NUP210L: variants seen among roughly 807,000 people sequenced by gnomAD.
NUP210L encodes the protein nuclear pore membrane glycoprotein 210-like.
NUP210L carries 74 observed loss-of-function variants against 208.5 expected under a neutral mutation model. That is an observed-to-expected ratio of 0.35 (90% CI 0.29 to 0.43). NUP210L has a LOEUF of 0.43. Ranked by LOEUF, NUP210L falls within the 20% of genes least tolerant of loss-of-function variation. NUP210L has a pLI of 1.00. For missense variants in NUP210L, 1,843 were observed against 2,289.4 expected, an observed-to-expected ratio of 0.81 and a Z score of 3.98; for synonymous variants, 780 against 816.9, an observed-to-expected ratio of 0.95 and a Z score of 0.77.
chr1:154,115,981 C>T (rs1448165313), intron 12 of NUP210L, among the ~76,000 whole-genome samples: 1 of 151,934 alleles, frequency 6.6e-6, no homozygotes, highest in African/African-American at 2.4e-5. Context: ...TTAGGCCGGG[C>T]GCGGTGACTC....
intron 36 of NUP210L, among the ~76,000 whole-genome samples, chr1:154,001,405 C>G (rs976907059): frequency 6.6e-6 from 1 of 152,120 alleles, no homozygotes; most frequent in African/African-American, 2.4e-5. Context: ...ACCATGTTGG[C>G]CAGGATGGTC....
intron 6 of NUP210L, among the ~76,000 whole-genome samples, chr1:154,136,686 C>T (rs542154203): frequency 1.3e-5 from 2 of 150,726 alleles, no homozygotes; most frequent in South Asian, 2.1e-4. Flanking sequence ...CGTGGGAAGC[C>T]GAGGTGGGTG....
chr1:154,153,688 C>G (rs1294191004), intron 1 of NUP210L, among the ~76,000 whole-genome samples: 13 of 151,272 alleles, frequency 8.6e-5, no homozygotes, highest in Non-Finnish European at 1.9e-4. Context: ...TCAAGTAATC[C>G]TCCTGCCTTG....
chr1:153,993,911 T>TA (rs1649657327), intron 38 of NUP210L, among the ~76,000 whole-genome samples: 1 of 152,078 alleles, frequency 6.6e-6, no homozygotes, highest in Non-Finnish European at 1.5e-5. Context: ...AATTTTTTTT[T>TA]AGACACACAG....
In NUP210L at chr1:154,138,411, A is replaced by G. The variant is rs556251516; in HGVS notation, c.718-173T>C. Among the ~76,000 whole-genome samples, 9 of 152,322 alleles carry G rather than the reference A, an allele frequency of 5.9e-5. No individual in the cohort carries two copies. The South Asian group carries it at 1.4e-3, about 25-fold the overall frequency. ...TAATTTCAGCTAGCCTTAAAAAGTGATTATGAATCTTAATACCTTATTAAC... is the reference window on the plus strand; with the variant it reads ...TAATTTCAGCTAGCCTTAAAAAGTGGTTATGAATCTTAATACCTTATTAAC... On this transcript the variant is annotated intron_variant, in intron 5 of 39. Coordinates refer to ENST00000368559, the Ensembl canonical transcript of NUP210L.
intron 23 of NUP210L, among the ~76,000 whole-genome samples, chr1:154,055,189 TTTTC>T (rs1304222481): frequency 6.9e-5 from 9 of 130,722 alleles, no homozygotes; most frequent in East Asian, 4.6e-4. Flanking sequence ...CTTTCTTTCT[TTTTC>T]TTTCTTTCTT....
chr1:154,069,653 A>G (rs982430396), intron 17 of NUP210L, among the ~76,000 whole-genome samples: 1 of 152,218 alleles, frequency 6.6e-6, no homozygotes, highest in African/African-American at 2.4e-5. Flanking sequence ...CGATTCCTCA[A>G]GGATCTAGAA....
intron 35 of NUP210L, among the ~76,000 whole-genome samples, chr1:154,006,750 C>T (rs1374422106): frequency 1.3e-5 from 2 of 149,050 alleles, no homozygotes; most frequent in Non-Finnish European, 3.0e-5. Context: ...CTGCCTCGGC[C>T]TCCCAAACTG....
At chr1:154,012,121 G>A (rs1414075856) in intron 34 of NUP210L, 123 bp downstream of exon 34, 22 of 935,242 alleles carry the variant, frequency 2.4e-5, no homozygotes, top group Non-Finnish European at 3.5e-5. Flanking sequence ...TGATTTATTT[G>A]TCAAGATGGA....
intron 27 of NUP210L, among the ~76,000 whole-genome samples, chr1:154,040,626 G>A (rs1287610677): frequency 6.7e-6 from 1 of 149,164 alleles, no homozygotes; most frequent in Non-Finnish European, 1.5e-5. Flanking sequence ...TCACTCTGTC[G>A]CCCAGGCTGG....
chr1:154,035,669 G>C (rs1652494461), intron 27 of NUP210L, among the ~76,000 whole-genome samples: 1 of 151,986 alleles, frequency 6.6e-6, no homozygotes, highest in African/African-American at 2.4e-5. Context: ...AAAGTGCTGG[G>C]ATTACAGGTG....
chr1:154,073,470 G>A (rs544915000), intron 16 of NUP210L, among the ~76,000 whole-genome samples: 96 of 152,158 alleles, frequency 6.3e-4, no homozygotes, highest in Non-Finnish European at 6.3e-4. Flanking sequence ...GTTACAGTGA[G>A]CTATGATTGC....
At chr1:154,069,350 G>GA (rs549499195) in intron 17 of NUP210L, among the ~76,000 whole-genome samples, 120 of 152,078 alleles carry the variant, frequency 7.9e-4, no homozygotes, top group African/African-American at 2.3e-3. Flanking sequence ...AAATTTACAA[G>GA]AAAAAAATCA....
exon 36 of NUP210L, chr1:154,001,908 C>T: frequency 4.3e-6 from 7 of 1,614,136 alleles, no homozygotes; most frequent in Non-Finnish European, 5.9e-6. Context: ...CACCCATAGA[C>T]TGAGGTGTCA....
chr1:154,149,366 G>A (rs1212238817), intron 2 of NUP210L, among the ~76,000 whole-genome samples: 1 of 152,128 alleles, frequency 6.6e-6, no homozygotes, highest in African/African-American at 2.4e-5. Flanking sequence ...GATTACAGGC[G>A]TGAGCCACCG....
chr1:154,095,040 A>G, exon 15 of NUP210L: 3 of 1,614,140 alleles, frequency 1.9e-6, no homozygotes, highest in Non-Finnish European at 2.5e-6. Context: ...TCTTCTCCGC[A>G]TTCAATTCCA....
intron 6 of NUP210L, 149 bp downstream of exon 6, chr1:154,137,957 G>A: frequency 8.0e-6 from 4 of 502,426 alleles, no homozygotes; most frequent in South Asian, 5.1e-5. Flanking sequence ...GGCTATTTCT[G>A]TCTAATATTA....
At chr1:154,149,021 A>T (rs183108266) in intron 2 of NUP210L, among the ~76,000 whole-genome samples, 78 of 151,538 alleles carry the variant, frequency 5.1e-4, no homozygotes, top group Non-Finnish European at 1.6e-4. Context: ...GACCTTACAT[A>T]AAAAAGGAAA....
chr1:154,102,786 T>C (rs1253789449), intron 13 of NUP210L, among the ~76,000 whole-genome samples: 1 of 152,176 alleles, frequency 6.6e-6, no homozygotes, highest in African/African-American at 2.4e-5. Context: ...TAGAAAGAGA[T>C]ATTTTATCCT....
Sources: allele counts gnomAD v4.1 joint callset (sites outside exome capture counted in the v4.1 genomes callset), GRCh38; gene constraint gnomAD v4.1.1; transcripts MANE v1.5; gene names NCBI Gene and HGNC (gene_info 2026-07-23, HGNC 2026-07-21).